The following PAK2 variants were observed in gnomAD, a reference collection of about 807,000 sequenced individuals.
PAK2 encodes serine/threonine-protein kinase PAK 2.
Under a neutral mutation model 65.9 loss-of-function variants are expected in PAK2, and 21 were observed. That is an observed-to-expected ratio of 0.32 (90% CI 0.23 to 0.46). PAK2 has a LOEUF of 0.46. PAK2 is among the 20% of genes least tolerant of loss of function. The pLI, the probability that PAK2 is intolerant of heterozygous loss-of-function variation, is 1.00. For synonymous variants in PAK2, 204 were observed against 219.7 expected (o/e 0.93, Z 0.63); for missense variants, 324 against 642.6 (o/e 0.50, Z 5.36).
chr3:196,755,677 C>T (rs1029493753), intron 1 of PAK2, among the ~76,000 whole-genome samples: 9 of 151,932 alleles, frequency 5.9e-5, no homozygotes, highest in East Asian at 3.9e-4. Flanking sequence ...AGGCTGGTCT[C>T]GAATTCCTGA....
chr3:196,816,080 C>CT (rs1273790919), intron 11 of PAK2, among the ~76,000 whole-genome samples: 4 of 152,246 alleles, frequency 2.6e-5, no homozygotes, highest in African/African-American at 9.6e-5. Context: ...TAATGGTTTG[C>CT]TTATTGTCAT....
intron 13 of PAK2, among the ~76,000 whole-genome samples, chr3:196,821,216 C>T (rs1711638560): frequency 6.6e-6 from 1 of 151,940 alleles, no homozygotes; most frequent in Non-Finnish European, 1.5e-5. Context: ...AAAACCTCAA[C>T]AATCAGAGGC....
intron 1 of PAK2, among the ~76,000 whole-genome samples, chr3:196,771,854 G>A (rs939301443): frequency 6.6e-6 from 1 of 152,002 alleles, no homozygotes; most frequent in Non-Finnish European, 1.5e-5. Context: ...TACCATGCCC[G>A]GCCTCCTCTT....
chr3:196,791,081 G>A lies in PAK2; in HGVS notation c.187+8248G>A, dbSNP rs1009180403. Among the ~76,000 whole-genome samples the A allele has an allele frequency of 6.6e-6, 1 of 152,066 alleles. No individual in the cohort carries two copies. Among genetic ancestry groups the A allele is most frequent in the Non-Finnish European group, 1.5e-5 (1 of 68,012 alleles). ...TATAATTTCTTCTGCCATCCTGACT[G>A]AACCCCCACATCTACATAAATTTAT... On this transcript the variant is annotated intron_variant, in intron 2 of 14. Transcript: ENST00000327134. This position sits in a 1 kb window ranked among gnomAD's most constrained non-coding sequence, Gnocchi z 4.0.
chr3:196,818,021 G>A (rs1427220460), intron 11 of PAK2, 36 bp from the exon 12 acceptor site: 3 of 862,170 alleles, frequency 3.5e-6, no homozygotes, highest in African/African-American at 3.3e-5. Context: ...TCTTTTCAGG[G>A]ACTATTTCAT....
intron 1 of PAK2, among the ~76,000 whole-genome samples, chr3:196,767,311 G>C (rs202065118): frequency 6.6e-6 from 1 of 152,026 alleles, no homozygotes; most frequent in African/African-American, 2.4e-5. Flanking sequence ...GGGTCAAAAG[G>C]TATATATGTA....
chr3:196,815,348 C>T (rs1401803438), intron 11 of PAK2, among the ~76,000 whole-genome samples: 20 of 151,058 alleles, frequency 1.3e-4, no homozygotes, highest in Non-Finnish European at 1.2e-4. Flanking sequence ...AAAAATTAGC[C>T]AGGCATGGTG....
intron 1 of PAK2, among the ~76,000 whole-genome samples, chr3:196,752,235 A>G (rs1713628846): frequency 1.3e-5 from 2 of 152,028 alleles, no homozygotes. Flanking sequence ...GTATTATACC[A>G]CTTTTGTTTA....
rs147295839 is a variant in PAK2, at chr3:196,800,077, A to G, written c.188-1850A>G. 4.0e-3 allele frequency among the ~76,000 whole-genome samples: 610 copies of G among 152,324 alleles called. 6 individuals carry two copies. The highest frequency in any genetic ancestry group is 0.014 in the African/African-American group (562 of 41,570). ...TGGATCAGAAAACTCGGTGTTGTTA[A>G]GAAATCAAGAAATAAATTCTCAGCC... On this transcript the variant is annotated intron_variant, in intron 2 of 14. Coordinates refer to ENST00000327134, the MANE Select transcript of PAK2 (RefSeq NM_002577.4).
chr3:196,743,819 C>G (rs935266350), intron 1 of PAK2, among the ~76,000 whole-genome samples: 2 of 152,066 alleles, frequency 1.3e-5, no homozygotes, highest in Non-Finnish European at 2.9e-5. Context: ...GAGGCAGAGG[C>G]TGCAGTGAGC....
intron 1 of PAK2, among the ~76,000 whole-genome samples, chr3:196,750,891 A>C (rs1000984309): frequency 1.3e-5 from 2 of 152,164 alleles, no homozygotes; most frequent in East Asian, 3.8e-4. Context: ...CATGTAACAT[A>C]AAATTACCAT....
intron 1 of PAK2, among the ~76,000 whole-genome samples, chr3:196,751,663 T>TTGTGTATATATATATA (rs1491521540): frequency 4.4e-5 from 2 of 45,728 alleles, no homozygotes; most frequent in African/African-American, 2.3e-4. Flanking sequence ...ACACACAAAT[T>TTGTGTATATATATATA]TATTTATATA....
intron 2 of PAK2, among the ~76,000 whole-genome samples, chr3:196,789,626 C>T (rs1044746954): frequency 2.6e-5 from 4 of 152,074 alleles, no homozygotes; most frequent in Non-Finnish European, 5.9e-5. Flanking sequence ...CCACGCCCAG[C>T]TAATTTTTTT....
At chr3:196,807,543 A>T (rs1356204617) in intron 6 of PAK2, among the ~76,000 whole-genome samples, 3 of 152,268 alleles carry the variant, frequency 2.0e-5, no homozygotes, top group Middle Eastern at 3.4e-3. Context: ...TCATTCATGG[A>T]CCTGCTGTTT....
At chr3:196,805,973 G>A (rs1389164573) in intron 5 of PAK2, among the ~76,000 whole-genome samples, 2 of 151,202 alleles carry the variant, frequency 1.3e-5, no homozygotes, top group Admixed American at 6.6e-5. Flanking sequence ...GTGCAGTGGC[G>A]CAATCTTGGC....
intron 4 of PAK2, among the ~76,000 whole-genome samples, chr3:196,803,956 A>C (rs1345972732): frequency 6.6e-6 from 1 of 152,204 alleles, no homozygotes; most frequent in East Asian, 1.9e-4. Flanking sequence ...TGGTTGATAC[A>C]TCTCTTGAAT....
chr3:196,828,075 G>A (rs952447109), intron 14 of PAK2, among the ~76,000 whole-genome samples: 1 of 131,716 alleles, frequency 7.6e-6, no homozygotes, highest in Non-Finnish European at 1.6e-5. Flanking sequence ...TTTGTGCATC[G>A]TATCACTCCT....
chr3:196,797,192 C>T lies in PAK2; in HGVS notation c.188-4735C>T, dbSNP rs931409884. On this transcript the variant is annotated intron_variant, in intron 2 of 14. Coordinates refer to ENST00000327134, the MANE Select transcript of PAK2 (RefSeq NM_002577.4). ...AATTCTCAAAAATGTTGGCCAGGCA[C>T]GGTGGCTCATACCTGCAATCTCAGC... Among the ~76,000 whole-genome samples the T allele has an allele frequency of 8.5e-5, 13 of 152,196 alleles. No individual in the cohort carries two copies. In the South Asian group the frequency reaches 1.0e-3, roughly 12 times the overall value.
intron 2 of PAK2, among the ~76,000 whole-genome samples, chr3:196,787,015 G>C (rs991198212): frequency 1.3e-5 from 2 of 151,852 alleles, no homozygotes; most frequent in Non-Finnish European, 2.9e-5. Context: ...TGTAGAGACA[G>C]GCTCTCATAT....
Sources: gnomAD v4.1 joint callset for allele counts (sites outside exome capture counted in the v4.1 genomes callset) on GRCh38, gnomAD v4.1.1 for gene constraint, Gnocchi (gnomAD v3.1) non-coding constraint, MANE v1.5 for transcripts, NCBI Gene and HGNC (gene_info 2026-07-23, HGNC 2026-07-21) for gene names.